Variants in ITGBL1 observed in about 807,000 individuals in gnomAD.
ITGBL1 encodes the protein integrin beta-like protein 1.
Under a neutral mutation model 68.5 loss-of-function variants are expected in ITGBL1, and 51 were observed. The observed-to-expected ratio is 0.74, with a 90% CI of 0.59 to 0.94. The LOEUF (loss-of-function observed/expected upper bound fraction) is 0.94. Among genes scored for constraint, ITGBL1 ranks in the 40% least tolerant of loss-of-function variants. The pLI is 0.00. For synonymous variants in ITGBL1, 209 were observed against 227.3 expected (o/e 0.92, Z 0.72); for missense variants, 649 against 647.4 (o/e 1.00, Z -0.03).
chr13:101,551,982 AT>A (rs2139214206), intron 2 of ITGBL1, among the ~76,000 whole-genome samples: 1 of 152,174 alleles, frequency 6.6e-6, no homozygotes, highest in African/African-American at 2.4e-5. Flanking sequence ...AACTGATCAT[AT>A]TTTCATGGGA....
intron 3 of ITGBL1, among the ~76,000 whole-genome samples, chr13:101,575,121 A>G (rs1050002629): frequency 2.6e-4 from 39 of 152,258 alleles, no homozygotes; most frequent in African/African-American, 8.9e-4. Context: ...ATCAGAAGAC[A>G]TTCATGCATT....
At chr13:101,617,928 C>T (rs1329932310) in intron 7 of ITGBL1, among the ~76,000 whole-genome samples, 1 of 149,712 alleles carries the variant, frequency 6.7e-6, no homozygotes. Context: ...ATTGAATGAT[C>T]CAGGGCCTAC....
chr13:101,557,431 T>A (rs1271280665), intron 2 of ITGBL1, among the ~76,000 whole-genome samples: 1 of 152,198 alleles, frequency 6.6e-6, no homozygotes, highest in East Asian at 1.9e-4. Flanking sequence ...CCAGATTCCT[T>A]GTGCCCCTGT....
chr13:101,534,729 G>T (rs780165328), intron 2 of ITGBL1, among the ~76,000 whole-genome samples: 1 of 152,150 alleles, frequency 6.6e-6, no homozygotes. Context: ...TTGAAAGAAG[G>T]TGTTGGAGGG....
intron 2 of ITGBL1, among the ~76,000 whole-genome samples, chr13:101,496,230 G>C (rs925784487): frequency 6.6e-6 from 1 of 152,140 alleles, no homozygotes; most frequent in African/African-American, 2.4e-5. Context: ...AGAGGTAGAC[G>C]CTCCCGGGCA....
rs902465052 is a variant in ITGBL1 at position 101,519,332 on chromosome 13, C to T, written c.317-48367C>T. 2.6e-5 allele frequency among the ~76,000 whole-genome samples: 4 copies of T among 152,068 alleles called. No individual in the cohort carries two copies. In the East Asian group the frequency reaches 7.7e-4, roughly 29 times the overall value. On this transcript the variant is annotated intron_variant, in intron 2 of 10. Transcript: ENST00000376180. ...ATGCCCAGTATGGTTGTCTATTGAG[C>T]ACTTGAAATAAGCGTAGTGCAAATT...
At chr13:101,641,737 A>G (rs1319733454) in intron 7 of ITGBL1, among the ~76,000 whole-genome samples, 1 of 95,144 alleles carries the variant, frequency 1.1e-5, no homozygotes, top group African/African-American at 4.2e-5. Flanking sequence ...AGCAGTCCCC[A>G]GAGTGTGATG....
chr13:101,595,807 A>C (rs1566747708), intron 6 of ITGBL1, among the ~76,000 whole-genome samples: 1 of 152,148 alleles, frequency 6.6e-6, no homozygotes, highest in African/African-American at 2.4e-5. Context: ...AAAAATCAAA[A>C]AGAGAATTAT....
intron 2 of ITGBL1, among the ~76,000 whole-genome samples, chr13:101,546,652 A>G (rs1464119405): frequency 2.0e-5 from 3 of 152,102 alleles, no homozygotes; most frequent in Non-Finnish European, 4.4e-5. Context: ...ACAAAGAAAA[A>G]ATTGGTAAAT....
chr13:101,689,947 G>A (rs774585760), intron 7 of ITGBL1, among the ~76,000 whole-genome samples: 19 of 152,214 alleles, frequency 1.2e-4, no homozygotes, highest in African/African-American at 3.6e-4. Context: ...CAAACAGTAC[G>A]TCTTATTCTA....
chr13:101,689,146 A>C (rs190449840), intron 7 of ITGBL1, among the ~76,000 whole-genome samples: 13 of 147,634 alleles, frequency 8.8e-5, no homozygotes, highest in South Asian at 4.5e-4. Flanking sequence ...CAGAGGTTGC[A>C]GTGACCCAAG....
intron 2 of ITGBL1, among the ~76,000 whole-genome samples, chr13:101,501,840 A>G (rs1255517424): frequency 6.6e-6 from 1 of 152,206 alleles, no homozygotes; most frequent in Non-Finnish European, 1.5e-5. Flanking sequence ...AGACTAGGAC[A>G]GGTATAACAT....
chr13:101,618,752 T>G (rs2031467623), intron 7 of ITGBL1, among the ~76,000 whole-genome samples: 1 of 152,180 alleles, frequency 6.6e-6, no homozygotes, highest in Admixed American at 6.5e-5. Flanking sequence ...GATGGATTTT[T>G]CTCCATACAG....
intron 7 of ITGBL1, among the ~76,000 whole-genome samples, chr13:101,654,338 G>A (rs919585689): frequency 5.3e-5 from 8 of 152,180 alleles, no homozygotes; most frequent in Admixed American, 1.3e-4. Context: ...GATCACTGTG[G>A]CTGCTATGTG....
chr13:101,664,951 T>A (rs185859972), intron 7 of ITGBL1, among the ~76,000 whole-genome samples: 9 of 152,300 alleles, frequency 5.9e-5, no homozygotes, highest in African/African-American at 2.2e-4. Flanking sequence ...TCAGGCTGAT[T>A]TTGAACTCCT....
At chr13:101,548,560 G>T (rs2049866282) in intron 2 of ITGBL1, among the ~76,000 whole-genome samples, 1 of 151,840 alleles carries the variant, frequency 6.6e-6, no homozygotes, top group East Asian at 1.9e-4. Context: ...TAAGTTTAGT[G>T]CATTTAAGTG....
At chr13:101,704,027 A>C (rs892195824) in intron 8 of ITGBL1, among the ~76,000 whole-genome samples, 4 of 152,138 alleles carry the variant, frequency 2.6e-5, no homozygotes, top group African/African-American at 7.2e-5. Flanking sequence ...AGACCATGTA[A>C]ATTGCCCACA....
At chr13:101,550,114 A>T (rs1012746401) in intron 2 of ITGBL1, among the ~76,000 whole-genome samples, 1 of 152,102 alleles carries the variant, frequency 6.6e-6, no homozygotes, top group African/African-American at 2.4e-5. Flanking sequence ...ATGAGCTGGG[A>T]TATAGATATG....
intron 7 of ITGBL1, among the ~76,000 whole-genome samples, chr13:101,667,261 G>GT (rs913681286): frequency 1.3e-5 from 2 of 152,120 alleles, no homozygotes; most frequent in Non-Finnish European, 1.5e-5. Context: ...AGTGCAACTA[G>GT]AGGGCTAACA....
Sources: gnomAD v4.1 joint callset for allele counts (sites outside exome capture counted in the v4.1 genomes callset) on GRCh38, gnomAD v4.1.1 for gene constraint, MANE v1.5 for transcripts, NCBI Gene and HGNC (gene_info 2026-07-23, HGNC 2026-07-21) for gene names.